NOS1: variants seen among roughly 807,000 people sequenced by gnomAD.
The protein encoded by NOS1 is nitric oxide synthase 1.
In NOS1, 51 loss-of-function variants were observed where a neutral mutation model predicts 164.5. That is an observed-to-expected ratio of 0.31 (90% confidence interval 0.25 to 0.39). The LOEUF (loss-of-function observed/expected upper bound fraction) is 0.39, where lower values mean the gene tolerates loss of function less well. Ranked by LOEUF, NOS1 falls within the 10% of genes least tolerant of loss-of-function variation. The pLI is 1.00. For missense variants in NOS1, 1,362 were observed against 1,885.6 expected, an observed-to-expected ratio of 0.72 and a Z score of 5.14; for synonymous variants, 719 against 745.8, an observed-to-expected ratio of 0.96 and a Z score of 0.59.
chr12:117,250,139 G>A (rs1870974461), intron 17 of NOS1, among the ~76,000 whole-genome samples: 1 of 152,048 alleles, frequency 6.6e-6, no homozygotes, highest in Non-Finnish European at 1.5e-5. Flanking sequence ...TCCATCATTG[G>A]AGTATGAACT....
rs113116092 is a variant in NOS1 at position 117,212,395 on chromosome 12, C to A, written c.*2914G>T. On this transcript the variant is annotated 3_prime_UTR_variant, in exon 29 of 29. Coordinates refer to ENST00000317775, the MANE Select transcript of NOS1 (RefSeq NM_000620.5). Reference sequence around the variant, plus strand: ...TATTGATGGGTCTGAAGTGTCCCCCCGCAAAAGAAAGACACCTGGCTGTCT... The same window carrying A: ...TATTGATGGGTCTGAAGTGTCCCCCAGCAAAAGAAAGACACCTGGCTGTCT... The A allele has an allele frequency of 1.1e-5, 11 of 985,322 alleles. No individual in the cohort carries two copies. The highest frequency in any genetic ancestry group is 1.3e-5 in the Non-Finnish European group (11 of 829,916). 61.0% of individuals were successfully genotyped at this position (985,322 alleles called of 1,614,324 possible).
chr12:117,225,022 G>A lies in NOS1; in HGVS notation c.3820C>T (p.His1274Tyr), dbSNP rs771340836. Residue 1274 changes from histidine (H) to tyrosine (Y), a missense_variant, in exon 25 of 29, where the codon CAC (histidine) becomes TAC (tyrosine). Physicochemically the swap from His to Tyr is moderately conservative, Grantham distance 83 (BLOSUM62 2). Transcript: ENST00000317775. Reference sequence around the variant, plus strand: ...CCACTGGACTGTAACCCACCTTTGTGTTGGATATCAAATTGCCGCTGTTGC... The same window carrying A: ...CCACTGGACTGTAACCCACCTTTGTATTGGATATCAAATTGCCGCTGTTGC... ...FWQQRQFDIQ[H>Y]KGMNPCPMVL... 8.1e-6 allele frequency: 13 copies of A among 1,614,074 alleles called. No individual in the cohort carries two copies. The highest frequency in any genetic ancestry group is 1.3e-5 in the African/African-American group (1 of 74,926).
At chr12:117,353,284 T>G (rs957545717) in intron 1 of NOS1, among the ~76,000 whole-genome samples, 1 of 150,716 alleles carries the variant, frequency 6.6e-6, no homozygotes, top group Non-Finnish European at 1.5e-5. Context: ...CTCTAGCTAT[T>G]ATCTATCTAT....
At chr12:117,287,341 C>T (rs952993435) in intron 5 of NOS1, among the ~76,000 whole-genome samples, 7 of 129,092 alleles carry the variant, frequency 5.4e-5, no homozygotes, top group East Asian at 2.3e-4. Context: ...ACATGCAGAG[C>T]GCTAATCCCT....
At chr12:117,262,427 G>GGAGA (rs538563225) in intron 13 of NOS1, among the ~76,000 whole-genome samples, 8 of 133,348 alleles carry the variant, frequency 6.0e-5, no homozygotes, top group Non-Finnish European at 9.5e-5. Flanking sequence ...AGGGAGGGAG[G>GGAGA]GAGAGAGAGA....
chr12:117,299,569 G>A (rs896264519), intron 3 of NOS1, among the ~76,000 whole-genome samples: 7 of 151,190 alleles, frequency 4.6e-5, no homozygotes, highest in African/African-American at 1.7e-4. Context: ...AACCCGGGAG[G>A]CGGAGCTTGC....
At chr12:117,230,193 C>T (rs1468432622) in intron 22 of NOS1, among the ~76,000 whole-genome samples, 1 of 152,206 alleles carries the variant, frequency 6.6e-6, no homozygotes, top group Non-Finnish European at 1.5e-5. Context: ...GGATTACAGG[C>T]ATGAGCCACT....
At chr12:117,351,397 C>G (rs1164501111) in intron 1 of NOS1, among the ~76,000 whole-genome samples, 1 of 152,184 alleles carries the variant, frequency 6.6e-6, no homozygotes, top group African/African-American at 2.4e-5. Context: ...CCTGGAGTGG[C>G]AACTGCTGCC....
chr12:117,295,600 T>C (rs1329644175), intron 3 of NOS1, among the ~76,000 whole-genome samples: 1 of 149,106 alleles, frequency 6.7e-6, no homozygotes, highest in Non-Finnish European at 1.5e-5. Flanking sequence ...ATGTTAGAGA[T>C]CTTTCCTGAT....
At position 117,296,232 on chromosome 12, in the gene NOS1, T is replaced by C. The variant is rs75962134; in HGVS notation, c.853-5806A>G. On this transcript the variant is annotated intron_variant, in intron 3 of 28. Coordinates refer to ENST00000317775, the MANE Select transcript of NOS1 (RefSeq NM_000620.5). ...CATATGAGATCTGCATGAGACTGCATTCTGTCCTTCCTCCAAATTTATTTG... is the reference window on the plus strand; with the variant it reads ...CATATGAGATCTGCATGAGACTGCACTCTGTCCTTCCTCCAAATTTATTTG... 3.2e-3 allele frequency among the ~76,000 whole-genome samples: 481 copies of C among 152,320 alleles called. 4 individuals are homozygous for C. The highest frequency in any genetic ancestry group is 0.011 in the African/African-American group (465 of 41,578).
At chr12:117,311,414 G>T in intron 3 of NOS1, 52 bp downstream of exon 3, 1 of 1,527,114 alleles carries the variant, frequency 6.5e-7, no homozygotes, top group East Asian at 2.4e-5. Flanking sequence ...ACCTGGGAGG[G>T]GGTCGAGAAG....
At chr12:117,261,069 T>C (rs1197853057) in intron 13 of NOS1, among the ~76,000 whole-genome samples, 2 of 149,770 alleles carry the variant, frequency 1.3e-5, no homozygotes, top group African/African-American at 4.9e-5. Flanking sequence ...CTTGGGAGGC[T>C]AAGGCAAGAG....
intron 3 of NOS1, among the ~76,000 whole-genome samples, chr12:117,306,092 T>C (rs1260931453): frequency 2.6e-5 from 4 of 152,022 alleles, no homozygotes; most frequent in African/African-American, 4.8e-5. Context: ...TTGCCTGGCC[T>C]GGCCCGTGGT....
At chr12:117,294,438 G>A (rs1247902673) in intron 3 of NOS1, among the ~76,000 whole-genome samples, 1 of 152,138 alleles carries the variant, frequency 6.6e-6, no homozygotes. Context: ...TTGGCTGCCC[G>A]AGTGCGAGCC....
chr12:117,273,542 G>C (rs1872946230), intron 9 of NOS1, among the ~76,000 whole-genome samples: 1 of 152,086 alleles, frequency 6.6e-6, no homozygotes, highest in Admixed American at 6.6e-5. Flanking sequence ...CAACTGAATA[G>C]TTTCCCCCTC....
intron 4 of NOS1, among the ~76,000 whole-genome samples, 169 bp from the exon 5 acceptor site, chr12:117,288,388 T>C (rs1273216695): frequency 1.3e-5 from 2 of 152,218 alleles, no homozygotes; most frequent in Non-Finnish European, 2.9e-5. Flanking sequence ...ATCATAGTCA[T>C]GTTAAGGAAC....
At chr12:117,284,637 T>C (rs1158737914) in intron 7 of NOS1, among the ~76,000 whole-genome samples, 1 of 152,130 alleles carries the variant, frequency 6.6e-6, no homozygotes, top group Admixed American at 6.5e-5. Context: ...TTTGTTCCTG[T>C]CCTCTCCAGG....
Position 117,330,291 on chromosome 12 carries a change from C to A in NOS1, c.725+54G>T. 6.8e-7 allele frequency: 1 copy of A among 1,473,590 alleles called. No individual in the cohort carries two copies. The highest frequency in any genetic ancestry group is 9.0e-7 in the Non-Finnish European group (1 of 1,107,868). The allele number at this position is 1,473,590 out of a possible 1,614,324, so 91.3% of individuals were successfully genotyped here. A position where few individuals can be genotyped will look rare whatever the true frequency, so the allele number is the denominator to read the frequency against. ...GTCTCAGTAGACGCACATGCACACA[C>A]ACAAGCATGCACACACACACACACA... On this transcript the variant is annotated intron_variant, in intron 2 of 28. Transcript: ENST00000317775. The surrounding 1 kb of genome is among the most constrained non-coding windows in gnomAD (Gnocchi z 4.6).
rs987419601 is a variant in NOS1, at chr12:117,230,099, G to A, written c.3405+1863C>T. On this transcript the variant is annotated intron_variant, in intron 22 of 28. Coordinates refer to ENST00000317775, the MANE Select transcript of NOS1 (RefSeq NM_000620.5). ...GACGCCCAGCTAATTTAATTTTTTT[G>A]TAGAGATGGGGTCTATGTTGCCCGG... Among the ~76,000 whole-genome samples the A allele has an allele frequency of 3.3e-5, 5 of 151,940 alleles. No homozygotes were observed. In the East Asian group the frequency reaches 9.7e-4, roughly 29 times the overall value.
Sources: allele counts gnomAD v4.1 joint callset (sites outside exome capture counted in the v4.1 genomes callset), GRCh38; gene constraint gnomAD v4.1.1; non-coding constraint Gnocchi (gnomAD v3.1); transcripts MANE v1.5; gene names NCBI Gene and HGNC (gene_info 2026-07-23, HGNC 2026-07-21).